PRRC2B: variants seen among roughly 807,000 people sequenced by gnomAD.
PRRC2B encodes protein PRRC2B.
Under a neutral mutation model 242.3 loss-of-function variants are expected in PRRC2B, and 68 were observed. The observed-to-expected ratio is 0.28, with a 90% confidence interval of 0.23 to 0.34. The LOEUF is 0.34. PRRC2B is among the 10% of genes least tolerant of loss of function. The pLI, the probability that PRRC2B is intolerant of heterozygous loss-of-function variation, is 1.00. For missense variants in PRRC2B, 2,835 were observed against 2,954.8 expected, an observed-to-expected ratio of 0.96 and a Z score of 0.94; for synonymous variants, 1,228 against 1,173.6, an observed-to-expected ratio of 1.05 and a Z score of -0.95.
chr9:131,463,972 C>T (rs1943318952), intron 11 of PRRC2B, among the ~76,000 whole-genome samples: 3 of 148,968 alleles, frequency 2.0e-5, no homozygotes, highest in Non-Finnish European at 3.0e-5. Context: ...GATGGAGTCT[C>T]GCTCTGTTGC....
At chr9:131,418,906 A>G (rs1837728328) in intron 1 of PRRC2B, among the ~76,000 whole-genome samples, 1 of 152,264 alleles carries the variant, frequency 6.6e-6, no homozygotes, top group African/African-American at 2.4e-5. Context: ...TTAGTATTGC[A>G]GCGTGACAGC....
chr9:131,484,167 A>G (rs559768421), intron 23 of PRRC2B, among the ~76,000 whole-genome samples: 2 of 152,328 alleles, frequency 1.3e-5, no homozygotes, highest in South Asian at 4.2e-4. Context: ...AAGCGGGGGC[A>G]CTGTTGCATT....
At chr9:131,449,673 T>A (rs2131394936) in intron 9 of PRRC2B, among the ~76,000 whole-genome samples, 1 of 152,328 alleles carries the variant, frequency 6.6e-6, no homozygotes, top group East Asian at 1.9e-4. Context: ...GCAAATATAT[T>A]TCCTTATTGC....
intron 11 of PRRC2B, among the ~76,000 whole-genome samples, chr9:131,462,857 G>A (rs1051206989): frequency 1.2e-4 from 7 of 59,304 alleles, no homozygotes; most frequent in Non-Finnish European, 2.0e-4. Context: ...AAAAAAAAAA[G>A]GTCTCAGTGC....
intron 1 of PRRC2B, among the ~76,000 whole-genome samples, chr9:131,401,777 C>T (rs977603217): frequency 1.3e-5 from 2 of 151,180 alleles, no homozygotes; most frequent in Non-Finnish European, 1.5e-5. Context: ...TCTCCTGCCT[C>T]AGCCTCCCGA....
chr9:131,404,592 G>GAAA (rs34830565), intron 1 of PRRC2B, among the ~76,000 whole-genome samples: 3 of 150,846 alleles, frequency 2.0e-5, no homozygotes, highest in Admixed American at 6.6e-5. Flanking sequence ...CACTCTCTCT[G>GAAA]AAAAAAAAAC....
rs577537419 is a variant in PRRC2B at position 131,430,096 on chromosome 9, C to A, written c.-49C>A. ...TTTCTTCTCTATTTCAAAGGCAGAT[C>A]GGGAGCGGTGCCGAGAAAAATTTCC... On this transcript the variant is annotated splice_region_variant and 5_prime_UTR_variant, in exon 2 of 32. Coordinates refer to ENST00000683519, the MANE Select transcript of PRRC2B (RefSeq NM_013318.4). 4 of 866,458 alleles carry A rather than the reference C, an allele frequency of 4.6e-6. No homozygotes were observed. The highest frequency in any genetic ancestry group is 2.3e-5 in the Admixed American group (1 of 43,800). 53.7% of individuals were successfully genotyped at this position (866,458 alleles called of 1,614,324 possible). A position where few individuals can be genotyped will look rare whatever the true frequency, so the allele number is the denominator to read the frequency against.
At chr9:131,395,952 G>A (rs1837041584) in intron 1 of PRRC2B, among the ~76,000 whole-genome samples, 1 of 152,214 alleles carries the variant, frequency 6.6e-6, no homozygotes. Flanking sequence ...TTTCCTTGGG[G>A]ATTGGCAGAT....
At chr9:131,393,889 C>T (rs927041244), upstream of PRRC2B, among the ~76,000 whole-genome samples, 8 of 151,166 alleles carry the variant, frequency 5.3e-5, no homozygotes, top group South Asian at 2.1e-4. Context: ...AGCCCCCTCC[C>T]GCCGCTCCCC....
At chr9:131,450,750 A>G (rs1588258790) in intron 9 of PRRC2B, among the ~76,000 whole-genome samples, 1 of 151,238 alleles carries the variant, frequency 6.6e-6, no homozygotes, top group East Asian at 1.9e-4. Context: ...ACTATGCCCT[A>G]CTAATTGTTG....
chr9:131,401,787 A>C (rs1837233550), intron 1 of PRRC2B, among the ~76,000 whole-genome samples: 1 of 148,790 alleles, frequency 6.7e-6, no homozygotes, highest in Non-Finnish European at 1.5e-5. Flanking sequence ...CAGCCTCCCG[A>C]GTAGCTGGGA....
At chr9:131,414,061 G>A (rs538573935) in intron 1 of PRRC2B, among the ~76,000 whole-genome samples, 1 of 152,322 alleles carries the variant, frequency 6.6e-6, no homozygotes, top group African/African-American at 2.4e-5. Context: ...TTAAGACAAT[G>A]CAGTGTTGCC....
At chr9:131,431,037 ACCT>A (rs1407700991) in intron 2 of PRRC2B, among the ~76,000 whole-genome samples, 1 of 145,876 alleles carries the variant, frequency 6.9e-6, no homozygotes, top group Non-Finnish European at 1.5e-5. Flanking sequence ...TGCAACCTTC[ACCT>A]CCTAGGTTCA....
At chr9:131,477,097 AGG>A (rs1265821862) in intron 16 of PRRC2B, among the ~76,000 whole-genome samples, 1 of 152,184 alleles carries the variant, frequency 6.6e-6, no homozygotes, top group Non-Finnish European at 1.5e-5. Flanking sequence ...CCACAGCCAG[AGG>A]CATTCGGGTG....
At chr9:131,422,171 C>T (rs1043992896) in intron 1 of PRRC2B, among the ~76,000 whole-genome samples, 4 of 152,150 alleles carry the variant, frequency 2.6e-5, no homozygotes, top group Non-Finnish European at 5.9e-5. Context: ...TCTCCTGCCT[C>T]AGCCTCCCGA....
At position 131,373,701 on chromosome 9, in the gene PRRC2B, G is replaced by T. The variant is rs187186314; in HGVS notation, c.-86G>T. 1.2e-4 allele frequency: 19 copies of T among 152,404 alleles called. No homozygotes were observed. The East Asian group carries it at 1.5e-3, about 12-fold the overall frequency. The allele number at this position is 152,404 out of a possible 1,614,324, so 9.4% of individuals were successfully genotyped here. A position where few individuals can be genotyped will look rare whatever the true frequency, so the allele number is the denominator to read the frequency against. On this transcript the variant is annotated 5_prime_UTR_variant, in exon 1 of 2. Transcript: ENST00000682525. The stretch of plus-strand genomic sequence containing the variant: ...TCTGGGCGTGCGTGAGGGAGGGTGG[G>T]TGCTGAAGGCGGAGGCAGCACCCAC...
chr9:131,388,743 C>T (rs918818087), intron 1 of PRRC2B, among the ~76,000 whole-genome samples: 3 of 149,892 alleles, frequency 2.0e-5, no homozygotes, highest in African/African-American at 7.3e-5. Context: ...AGGGTTTCAC[C>T]ATGTTGGCCA....
chr9:131,458,503 AT>A (rs61143148), intron 10 of PRRC2B, among the ~76,000 whole-genome samples: 132,862 of 147,536 alleles, frequency 0.9, 60,129 homozygotes, highest in South Asian at 0.96. Context: ...ATGTGTTTTT[AT>A]TTTTTTTTTT....
At chr9:131,411,554 A>G (rs1371295488) in intron 1 of PRRC2B, among the ~76,000 whole-genome samples, 6 of 151,684 alleles carry the variant, frequency 4.0e-5, no homozygotes, top group Admixed American at 3.9e-4. Context: ...CACTGTGTTC[A>G]GGATGGTCTT....
Sources: allele counts gnomAD v4.1 joint callset (sites outside exome capture counted in the v4.1 genomes callset), GRCh38; gene constraint gnomAD v4.1.1; transcripts MANE v1.5; gene names NCBI Gene and HGNC (gene_info 2026-07-23, HGNC 2026-07-21).